The following ZNF383 variants were observed in gnomAD, a reference collection of about 807,000 sequenced individuals.
ZNF383 encodes the protein zinc finger protein 383.
In ZNF383, 32 loss-of-function variants were observed where a neutral mutation model predicts 44.2. That is an observed-to-expected ratio of 0.72 (90% CI 0.55 to 0.97). The LOEUF is 0.97. Ranked by LOEUF, ZNF383 falls within the 50% of genes least tolerant of loss-of-function variation. The pLI, the probability that ZNF383 is intolerant of heterozygous loss-of-function variation, is 0.00. For synonymous variants in ZNF383, 155 were observed against 186.2 expected, an observed-to-expected ratio of 0.83 and a Z score of 1.36; for missense variants, 487 against 562.5, an observed-to-expected ratio of 0.87 and a Z score of 1.36.
chr19:37,240,471 A>G (rs994736510), intron 5 of ZNF383, among the ~76,000 whole-genome samples: 7 of 152,258 alleles, frequency 4.6e-5, no homozygotes, highest in African/African-American at 1.7e-4. Context: ...CACAACGATT[A>G]AGTATCAGAA....
intron 3 of ZNF383, among the ~76,000 whole-genome samples, chr19:37,234,578 G>A (rs1414074067): frequency 1.3e-5 from 2 of 151,824 alleles, no homozygotes; most frequent in African/African-American, 2.4e-5. Context: ...TTTTAGTAGA[G>A]ACAGGGTTTC....
At chr19:37,223,568 A>G (rs972330754) in intron 1 of ZNF383, among the ~76,000 whole-genome samples, 2 of 152,096 alleles carry the variant, frequency 1.3e-5, no homozygotes, top group Admixed American at 6.6e-5. Flanking sequence ...AAATATCCCA[A>G]TGTTTGGGAT....
chr19:37,235,650 GAACTACGGCA>G lies in ZNF383; in HGVS notation c.113_122del (p.Asn38IlefsTer14). On this transcript the variant is annotated frameshift_variant, in exon 4 of 6. Transcript: ENST00000684119. LOFTEE classifies it high-confidence loss of function. ...ACTTATACAGAGATGTGATGTTGGA[GAACTACGGCA>G]ATCTGGTTTCAATGGGTAAGGGCAT... is the stretch of plus-strand genomic sequence containing the variant. 6.2e-7 allele frequency: 1 copy of G among 1,611,802 alleles called. No homozygotes were observed. Among genetic ancestry groups the G allele is most frequent in the East Asian group, 2.2e-5 (1 of 44,846 alleles).
intron 5 of ZNF383, among the ~76,000 whole-genome samples, chr19:37,241,734 C>T (rs951892882): frequency 1.3e-5 from 2 of 151,996 alleles, no homozygotes; most frequent in Admixed American, 6.6e-5. Context: ...ATAACAAAGA[C>T]CTCCTGTCAG....
Position 37,237,713 on chromosome 19 carries a change from C to T in ZNF383, c.232+1639C>T, listed in dbSNP as rs375056376. On this transcript the variant is annotated intron_variant, in intron 5 of 5. Transcript: ENST00000684119. Reference sequence around the variant, plus strand: ...CAAGGCACTGTCATCTGATGAGGGCCTTCTTGCATCTTCGTGTGGCAGAAG... The same window carrying T: ...CAAGGCACTGTCATCTGATGAGGGCTTTCTTGCATCTTCGTGTGGCAGAAG... Among the ~76,000 whole-genome samples the T allele has an allele frequency of 4.3e-3, 652 of 152,246 alleles. 3 individuals are homozygous for T. The highest frequency in any genetic ancestry group is 7.9e-3 in the Non-Finnish European group (536 of 68,018).
intron 2 of ZNF383, among the ~76,000 whole-genome samples, chr19:37,228,926 T>G (rs544599675): frequency 6.6e-6 from 1 of 152,202 alleles, no homozygotes; most frequent in East Asian, 1.9e-4. Context: ...TTCTTACATA[T>G]TATTATGGAC....
chr19:37,231,443 G>A (rs1268872948), intron 3 of ZNF383, among the ~76,000 whole-genome samples: 1 of 152,136 alleles, frequency 6.6e-6, no homozygotes, highest in Non-Finnish European at 1.5e-5. Context: ...GAGAATCCTT[G>A]AACCTGGGAG....
At chr19:37,233,137 TATTTA>T (rs1287763460) in intron 3 of ZNF383, among the ~76,000 whole-genome samples, 2 of 152,082 alleles carry the variant, frequency 1.3e-5, no homozygotes, top group African/African-American at 4.8e-5. Flanking sequence ...TTTATTTATT[TATTTA>T]TTTATTGAGA....
Position 37,242,691 on chromosome 19 carries a change from T to C in ZNF383, c.455T>C (p.Ile152Thr). ...IFTPEYMPTF[I>T]QQTFLTLHQI... ...ACTCCTGAATACATGCCCACATTTA[T>C]TCAACAGACATTCCTTACTCTCCAT... is the stretch of plus-strand genomic sequence containing the variant. The change falls in exon 6 of 6, where the codon ATT (isoleucine) becomes ACT (threonine). Residue 152 changes from isoleucine to threonine, a missense_variant. Coordinates refer to ENST00000684119, the MANE Select transcript of ZNF383 (RefSeq NM_001387601.1). 6.2e-7 allele frequency: 1 copy of C among 1,614,096 alleles called. No homozygotes were observed. Among genetic ancestry groups the C allele is most frequent in the East Asian group, 2.2e-5 (1 of 44,852 alleles).
intron 2 of ZNF383, chr19:37,227,622 G>T: frequency 6.5e-6 from 1 of 152,828 alleles, no homozygotes; most frequent in South Asian, 1.8e-4. Flanking sequence ...AGCTGGGCCT[G>T]AGGGACCACT....
intron 3 of ZNF383, among the ~76,000 whole-genome samples, chr19:37,231,880 A>T (rs1490833896): frequency 6.6e-6 from 1 of 152,202 alleles, no homozygotes; most frequent in African/African-American, 2.4e-5. Context: ...TTAATAAAGG[A>T]GAAAAACTGA....
chr19:37,231,146 C>G lies in ZNF383; in HGVS notation c.9+684C>G, dbSNP rs61525939. 9.0e-3 allele frequency among the ~76,000 whole-genome samples: 1,365 copies of G among 152,326 alleles called. 21 individuals are homozygous for G. The highest frequency in any genetic ancestry group is 0.031 in the African/African-American group (1,308 of 41,560). On this transcript the variant is annotated intron_variant, in intron 3 of 5. Transcript: ENST00000684119. ...CAATGCATAAGTCATGTGGATCACA[C>G]TGTCAGAGCTCAGAAGAACCTTTTA...
At chr19:37,241,818 C>T (rs1317872560) in intron 5 of ZNF383, among the ~76,000 whole-genome samples, 1 of 151,746 alleles carries the variant, frequency 6.6e-6, no homozygotes, top group African/African-American at 2.4e-5. Flanking sequence ...TCCCCATATG[C>T]ATTTATTTCT....
chr19:37,219,664 T>C (rs1392635598), intron 1 of ZNF383: 2 of 152,300 alleles, frequency 1.3e-5, no homozygotes, highest in African/African-American at 4.8e-5. Flanking sequence ...AGGCCTGGCA[T>C]CTCATCATTC....
chr19:37,239,105 A>C (rs1277189897), intron 5 of ZNF383, among the ~76,000 whole-genome samples: 5 of 152,126 alleles, frequency 3.3e-5, no homozygotes, highest in African/African-American at 1.2e-4. Context: ...TTTTTAGTAG[A>C]GATGGGGTTT....
chr19:37,246,780 G>T lies in ZNF383; in HGVS notation c.*3116G>T, dbSNP rs1406032689. 1 of 152,034 alleles carries T rather than the reference G, an allele frequency of 6.6e-6. No individual in the cohort carries two copies. The highest frequency in any genetic ancestry group is 1.5e-5 in the Non-Finnish European group (1 of 68,012). 9.4% of individuals were successfully genotyped at this position (152,034 alleles called of 1,614,324 possible). On this transcript the variant is annotated 3_prime_UTR_variant, in exon 6 of 6. Transcript: ENST00000684119. ...CACTCCAGACTGGGTGACAGAGCGA[G>T]ACTCTGTCTTACAAAATAAAAAATA...
rs1162049974 is a variant in ZNF383 at position 37,246,490 on chromosome 19, G to C, written c.*2826G>C. The C allele has an allele frequency of 6.6e-6, 1 of 152,080 alleles. No individual in the cohort carries two copies. The highest frequency in any genetic ancestry group is 6.5e-5 in the Admixed American group (1 of 15,280). The allele number at this position is 152,080 out of a possible 1,614,324, so 9.4% of individuals were successfully genotyped here. A position where few individuals can be genotyped will look rare whatever the true frequency, so the allele number is the denominator to read the frequency against. ...GCTACATAAAGAATACCAGTCTGAGGCTGGGCGCGGTGGCTCACACCTGTA... is the reference window on the plus strand; with the variant it reads ...GCTACATAAAGAATACCAGTCTGAGCCTGGGCGCGGTGGCTCACACCTGTA... On this transcript the variant is annotated 3_prime_UTR_variant, in exon 6 of 6. Transcript: ENST00000684119.
At chr19:37,237,331 G>T (rs1222059241) in intron 5 of ZNF383, among the ~76,000 whole-genome samples, 2 of 152,112 alleles carry the variant, frequency 1.3e-5, no homozygotes, top group Non-Finnish European at 2.9e-5. Flanking sequence ...TGGAGCCTTG[G>T]AAGTGACTGC....
At chr19:37,236,906 A>G (rs562454692) in intron 5 of ZNF383, among the ~76,000 whole-genome samples, 4 of 151,342 alleles carry the variant, frequency 2.6e-5, no homozygotes, top group African/African-American at 9.7e-5. Flanking sequence ...GGTGTTTTCT[A>G]CTACCACTCC....
Sources: allele counts gnomAD v4.1 joint callset (sites outside exome capture counted in the v4.1 genomes callset), GRCh38; gene constraint gnomAD v4.1.1; transcripts MANE v1.5; gene names NCBI Gene and HGNC (gene_info 2026-07-23, HGNC 2026-07-21).